CALN1: variants seen among roughly 807,000 people sequenced by gnomAD.
CALN1 encodes calcium-binding protein 8.
In CALN1, 17 loss-of-function variants were observed where a neutral mutation model predicts 30.6. That is an observed-to-expected ratio of 0.56 (90% CI 0.38 to 0.83). CALN1 has a LOEUF of 0.83. Among genes scored for constraint, CALN1 ranks in the 40% least tolerant of loss-of-function variants. The probability of loss-of-function intolerance (pLI) is 0.00; values close to 1 mark genes in which losing one functional copy is unlikely to be tolerated. For synonymous variants in CALN1, 156 were observed against 131.4 expected, an observed-to-expected ratio of 1.19 and a Z score of -1.28; for missense variants, 291 against 354.9, an observed-to-expected ratio of 0.82 and a Z score of 1.45.
chr7:71,842,218 A>C (rs1338885910), intron 5 of CALN1, among the ~76,000 whole-genome samples: 1 of 152,188 alleles, frequency 6.6e-6, no homozygotes, highest in Non-Finnish European at 1.5e-5. Flanking sequence ...GGATTCACCC[A>C]ATGTGACAAT....
intron 3 of CALN1, among the ~76,000 whole-genome samples, chr7:72,125,518 G>C (rs1394887279): frequency 6.6e-6 from 1 of 152,178 alleles, no homozygotes; most frequent in Non-Finnish European, 1.5e-5. Flanking sequence ...AGTGATAAAT[G>C]CTACAGAAAT....
intron 2 of CALN1, among the ~76,000 whole-genome samples, chr7:72,364,024 G>A (rs927551672): frequency 2.2e-4 from 34 of 151,522 alleles, no homozygotes; most frequent in African/African-American, 7.3e-4. Context: ...CGTGAGCCAC[G>A]GTGCCCGGCA....
chr7:71,971,961 G>GAAAA (rs1404015850), intron 5 of CALN1, among the ~76,000 whole-genome samples: 1 of 67,870 alleles, frequency 1.5e-5, no homozygotes, highest in Non-Finnish European at 2.9e-5. Context: ...AAAAAAGAAA[G>GAAAA]AAAGAAAGAA....
chr7:72,431,967 C>T (rs2129564045), intron 1 of CALN1, among the ~76,000 whole-genome samples: 1 of 152,280 alleles, frequency 6.6e-6, no homozygotes, highest in South Asian at 2.1e-4. Context: ...TATTAAACTC[C>T]TTGCCATCAT....
intron 2 of CALN1, among the ~76,000 whole-genome samples, chr7:72,370,967 G>A (rs374868173): frequency 2.0e-5 from 3 of 146,968 alleles, no homozygotes; most frequent in East Asian, 4.1e-4. Flanking sequence ...AGAATCACTT[G>A]AACCCGGGAC....
chr7:72,212,016 C>T (rs1418577014), intron 3 of CALN1, among the ~76,000 whole-genome samples: 1 of 152,088 alleles, frequency 6.6e-6, no homozygotes, highest in African/African-American at 2.4e-5. Context: ...TCCTAGATAT[C>T]TGATTATTTT....
At chr7:72,207,486 T>C (rs1252619997) in intron 3 of CALN1, among the ~76,000 whole-genome samples, 1 of 152,104 alleles carries the variant, frequency 6.6e-6, no homozygotes, top group Non-Finnish European at 1.5e-5. Flanking sequence ...GTAGTAGTAG[T>C]AGTAGTAATA....
upstream of CALN1, among the ~76,000 whole-genome samples, chr7:72,451,585 TCAACCTC>T (rs1808665277): frequency 1.3e-5 from 2 of 152,126 alleles, no homozygotes; most frequent in Admixed American, 1.3e-4. Context: ...CCTTGACCTA[TCAACCTC>T]CAAACAGGAG....
At chr7:72,482,814 T>C in the CALN1 span, among the ~76,000 whole-genome samples, 540 of 152,282 alleles carry the variant, frequency 3.5e-3, 5 homozygotes, top group Admixed American at 6.7e-3. Flanking sequence ...TTCACTCCTT[T>C]GTGTAAATCT....
At chr7:72,256,449 A>T (rs1795917915) in intron 3 of CALN1, among the ~76,000 whole-genome samples, 1 of 151,976 alleles carries the variant, frequency 6.6e-6, no homozygotes, top group Non-Finnish European at 1.5e-5. Context: ...GAAGAGCAAG[A>T]CCCCATCTCT....
chr7:72,036,433 TC>T (rs373688335), intron 4 of CALN1, among the ~76,000 whole-genome samples: 22 of 152,324 alleles, frequency 1.4e-4, no homozygotes, highest in African/African-American at 5.3e-4. Context: ...CTCTGCTCCC[TC>T]CCCTATCTTC....
chr7:72,048,202 G>A (rs1802605064), intron 4 of CALN1, among the ~76,000 whole-genome samples: 2 of 151,930 alleles, frequency 1.3e-5, no homozygotes, highest in South Asian at 4.2e-4. Context: ...ATCGCACCCG[G>A]CTAATTTTTG....
At chr7:71,944,780 G>T (rs559533501) in intron 5 of CALN1, among the ~76,000 whole-genome samples, 5 of 152,162 alleles carry the variant, frequency 3.3e-5, no homozygotes, top group East Asian at 3.9e-4. Context: ...ACAAACAATT[G>T]CTACCCTCTG....
chr7:72,491,322 A>G, the CALN1 span, among the ~76,000 whole-genome samples: 4 of 152,140 alleles, frequency 2.6e-5, no homozygotes, highest in Non-Finnish European at 5.9e-5. Flanking sequence ...TAATTCTAGC[A>G]CTTTGGCAGA....
At chr7:72,352,580 A>G (rs1802990837) in intron 2 of CALN1, among the ~76,000 whole-genome samples, 1 of 152,150 alleles carries the variant, frequency 6.6e-6, no homozygotes, top group Non-Finnish European at 1.5e-5. Context: ...GGAAGTTTAA[A>G]AATATTTTGA....
intron 3 of CALN1, among the ~76,000 whole-genome samples, chr7:72,192,586 G>A (rs558826215): frequency 6.7e-4 from 102 of 151,808 alleles, no homozygotes; most frequent in African/African-American, 2.2e-3. Context: ...TTTAGGACCC[G>A]CTAAAATACC....
At position 71,786,643 on chromosome 7, in the gene CALN1, C is replaced by G. The variant is rs1457133069; in HGVS notation, c.*1132G>C. 2.0e-5 allele frequency: 3 copies of G among 152,074 alleles called. No homozygotes were observed. Among genetic ancestry groups the G allele is most frequent in the African/African-American group, 7.2e-5 (3 of 41,436 alleles). The allele number at this position is 152,074 out of a possible 1,614,324, so 9.4% of individuals were successfully genotyped here. ...GTGAAAATACAGTCGTTTGATCTCT[C>G]CATCTTTCCATTTTGGATTGCATTT... On this transcript the variant is annotated 3_prime_UTR_variant, in exon 7 of 7. Coordinates refer to ENST00000395275, the MANE Select transcript of CALN1 (RefSeq NM_031468.4).
intron 4 of CALN1, among the ~76,000 whole-genome samples, chr7:72,057,436 C>T (rs1256713296): frequency 7.1e-6 from 1 of 141,298 alleles, no homozygotes; most frequent in African/African-American, 2.7e-5. Context: ...GAATCTGTCC[C>T]AATGAAGTGT....
chr7:72,060,051 AC>A (rs1803541036), intron 4 of CALN1, among the ~76,000 whole-genome samples: 1 of 151,980 alleles, frequency 6.6e-6, no homozygotes, highest in African/African-American at 2.4e-5. Flanking sequence ...AATGCTAAAG[AC>A]CCCGGGCAGT....
Sources: allele counts gnomAD v4.1 joint callset (sites outside exome capture counted in the v4.1 genomes callset), GRCh38; gene constraint gnomAD v4.1.1; transcripts MANE v1.5; gene names NCBI Gene and HGNC (gene_info 2026-07-23, HGNC 2026-07-21).